Variants in SORCS1 observed in about 807,000 individuals in gnomAD.
SORCS1 encodes the protein VPS10 domain-containing receptor SorCS1.
SORCS1 carries 60 observed loss-of-function variants against 146.1 expected under a neutral mutation model. The ratio of observed to expected loss-of-function variants is 0.41; its 90% CI spans 0.33 to 0.51. The LOEUF (loss-of-function observed/expected upper bound fraction) is 0.51, where lower values mean the gene tolerates loss of function less well. SORCS1 is among the 20% of genes least tolerant of loss of function. The pLI is 0.21. For synonymous variants in SORCS1, 637 were observed against 584.0 expected, an observed-to-expected ratio of 1.09 and a Z score of -1.31; for missense variants, 1,352 against 1,487.6, an observed-to-expected ratio of 0.91 and a Z score of 1.50.
At chr10:107,033,975 G>T (rs1305544364) in intron 1 of SORCS1, among the ~76,000 whole-genome samples, 20 of 152,206 alleles carry the variant, frequency 1.3e-4, no homozygotes, top group Admixed American at 1.3e-4. Context: ...GATGCTCTGG[G>T]AGAAGTGAGA....
intron 1 of SORCS1, among the ~76,000 whole-genome samples, chr10:107,072,369 C>G (rs1962504495): frequency 6.6e-6 from 1 of 152,160 alleles, no homozygotes; most frequent in Non-Finnish European, 1.5e-5. Context: ...TTGTTAAATT[C>G]TGAAATCAGC....
chr10:107,153,514 A>G (rs915207553), intron 1 of SORCS1, among the ~76,000 whole-genome samples: 1 of 152,234 alleles, frequency 6.6e-6, no homozygotes, highest in Non-Finnish European at 1.5e-5. Context: ...TGAAACTACC[A>G]TGGATCATTC....
chr10:107,112,406 A>C (rs1488250746), intron 1 of SORCS1, among the ~76,000 whole-genome samples: 1 of 152,230 alleles, frequency 6.6e-6, no homozygotes, highest in African/African-American at 2.4e-5. Flanking sequence ...AAACCATAAA[A>C]AGAAAGAAAA....
chr10:106,973,668 C>T (rs967869876), intron 1 of SORCS1, among the ~76,000 whole-genome samples: 1 of 152,174 alleles, frequency 6.6e-6, no homozygotes, highest in African/African-American at 2.4e-5. Context: ...TTTAGGTTTC[C>T]TTCCATTTTT....
intron 3 of SORCS1, among the ~76,000 whole-genome samples, chr10:106,810,096 C>A (rs541606973): frequency 6.6e-6 from 1 of 152,284 alleles, no homozygotes; most frequent in South Asian, 2.1e-4. Context: ...TGGCACGCGC[C>A]TGTAGTCCCA....
chr10:106,676,856 C>G (rs1244342692), intron 13 of SORCS1, among the ~76,000 whole-genome samples: 1 of 152,128 alleles, frequency 6.6e-6, no homozygotes, highest in Non-Finnish European at 1.5e-5. Context: ...CAGGTAGTAT[C>G]AAGGAGCTGA....
intron 2 of SORCS1, among the ~76,000 whole-genome samples, chr10:106,897,124 G>A (rs919403412): frequency 9.9e-5 from 15 of 151,610 alleles, no homozygotes; most frequent in African/African-American, 7.3e-5. Flanking sequence ...CTCGTGATCC[G>A]CCCACCTCGG....
At chr10:106,696,500 G>A (rs1426733395) in intron 9 of SORCS1, among the ~76,000 whole-genome samples, 2 of 152,246 alleles carry the variant, frequency 1.3e-5, no homozygotes, top group Admixed American at 1.3e-4. Flanking sequence ...GAACTGTCAG[G>A]CTAATAAAAC....
chr10:106,845,961 T>C (rs189396050), intron 2 of SORCS1, among the ~76,000 whole-genome samples: 8,133 of 129,192 alleles, frequency 0.063, 1,380 homozygotes, highest in African/African-American at 0.094. Context: ...TTGGTACCAG[T>C]ACCATGCTGT....
chr10:106,790,943 C>T (rs182473446), intron 3 of SORCS1, among the ~76,000 whole-genome samples: 14 of 152,144 alleles, frequency 9.2e-5, no homozygotes, highest in Non-Finnish European at 2.1e-4. Context: ...AAAAATGTCC[C>T]CAAAAACGTA....
At chr10:106,721,826 G>C (rs916346434) in intron 6 of SORCS1, among the ~76,000 whole-genome samples, 1 of 152,036 alleles carries the variant, frequency 6.6e-6, no homozygotes, top group Non-Finnish European at 1.5e-5. Context: ...GTATATATTC[G>C]CATTGTTTGA....
At chr10:107,161,630 C>G (rs887537240) in intron 1 of SORCS1, among the ~76,000 whole-genome samples, 1 of 152,088 alleles carries the variant, frequency 6.6e-6, no homozygotes, top group Non-Finnish European at 1.5e-5. Context: ...CTCGGTCAAA[C>G]CACAAATAAG....
chr10:107,131,338 T>C (rs1443324377), intron 1 of SORCS1, among the ~76,000 whole-genome samples: 2 of 152,194 alleles, frequency 1.3e-5, no homozygotes, highest in Non-Finnish European at 2.9e-5. Context: ...CTAAAACTAA[T>C]CTATCAACTA....
chr10:107,014,126 C>T (rs1377973541), intron 1 of SORCS1, among the ~76,000 whole-genome samples: 1 of 151,980 alleles, frequency 6.6e-6, no homozygotes, highest in Non-Finnish European at 1.5e-5. Flanking sequence ...GTGGCGCATG[C>T]CTGTAGTCCC....
At chr10:107,112,633 T>C (rs1389811402) in intron 1 of SORCS1, among the ~76,000 whole-genome samples, 1 of 151,938 alleles carries the variant, frequency 6.6e-6, no homozygotes, top group Non-Finnish European at 1.5e-5. Flanking sequence ...CTACCTAAAA[T>C]AGACTCACTT....
chr10:107,056,902 A>G (rs143429509), intron 1 of SORCS1, among the ~76,000 whole-genome samples: 1 of 152,324 alleles, frequency 6.6e-6, no homozygotes, highest in African/African-American at 2.4e-5. Context: ...AGACAATTTA[A>G]GCTGAGTTTA....
chr10:106,640,851 G>C (rs1460300537), intron 18 of SORCS1, among the ~76,000 whole-genome samples: 2 of 152,184 alleles, frequency 1.3e-5, no homozygotes, highest in East Asian at 1.9e-4. Context: ...TAAAAGTCAG[G>C]CATGGTTTGA....
At chr10:107,025,156 T>C (rs935298599) in intron 1 of SORCS1, among the ~76,000 whole-genome samples, 43 of 152,204 alleles carry the variant, frequency 2.8e-4, no homozygotes, top group African/African-American at 1.0e-3. Flanking sequence ...GTCTTATAAA[T>C]GGGTTGCTTA....
intron 5 of SORCS1, among the ~76,000 whole-genome samples, chr10:106,750,868 G>A (rs899591515): frequency 1.3e-5 from 2 of 150,158 alleles, no homozygotes; most frequent in African/African-American, 4.9e-5. Context: ...GACCATCCTG[G>A]CTAACACGGT....
Sources: gnomAD v4.1 joint callset for allele counts (sites outside exome capture counted in the v4.1 genomes callset) on GRCh38, gnomAD v4.1.1 for gene constraint, MANE v1.5 for transcripts, NCBI Gene and HGNC (gene_info 2026-07-23, HGNC 2026-07-21) for gene names.